The following FBXL20 variants were observed in gnomAD, a reference collection of about 807,000 sequenced individuals.
The protein encoded by FBXL20 is F-box/LRR-repeat protein 20.
FBXL20 carries 11 observed loss-of-function variants against 64.0 expected under a neutral mutation model. The ratio of observed to expected loss-of-function variants is 0.17; its 90% CI spans 0.11 to 0.28. The LOEUF is 0.28. Ranked by LOEUF, FBXL20 falls within the 10% of genes least tolerant of loss-of-function variation. FBXL20 has a pLI of 1.00. For synonymous variants in FBXL20, 184 were observed against 189.0 expected (o/e 0.97, Z 0.22); for missense variants, 303 against 526.2 (o/e 0.58, Z 4.15).
chr17:39,300,437 G>A (rs558419881), intron 4 of FBXL20, among the ~76,000 whole-genome samples: 57 of 152,272 alleles, frequency 3.7e-4, no homozygotes, highest in African/African-American at 1.2e-3. Flanking sequence ...AATAATTTAA[G>A]TGTAAGCCAT....
intron 1 of FBXL20, among the ~76,000 whole-genome samples, chr17:39,378,958 T>A (rs993138254): frequency 4.1e-5 from 6 of 146,540 alleles, no homozygotes; most frequent in Non-Finnish European, 7.5e-5. Flanking sequence ...CCAGGCACAG[T>A]GGCTCACGCC....
chr17:39,390,157 G>A (rs1386008577), intron 1 of FBXL20, among the ~76,000 whole-genome samples: 1 of 152,098 alleles, frequency 6.6e-6, no homozygotes, highest in African/African-American at 2.4e-5. Flanking sequence ...AACTGATTAG[G>A]CTGGGTGCAG....
At chr17:39,301,110 G>C (rs192634072) in intron 3 of FBXL20, 35 bp from the exon 4 acceptor site, 1 of 1,588,870 alleles carries the variant, frequency 6.3e-7, no homozygotes, top group East Asian at 2.2e-5. Context: ...ATGAGCAGAA[G>C]CTAAAATTAA....
chr17:39,289,896 A>G (rs1238450753), intron 6 of FBXL20, among the ~76,000 whole-genome samples: 1 of 149,948 alleles, frequency 6.7e-6, no homozygotes, highest in Non-Finnish European at 1.5e-5. Context: ...CTACTCAGGA[A>G]GCTGAGGCAC....
At chr17:39,305,634 G>C (rs1305614482) in intron 2 of FBXL20, among the ~76,000 whole-genome samples, 2 of 152,160 alleles carry the variant, frequency 1.3e-5, no homozygotes, top group African/African-American at 4.8e-5. Flanking sequence ...AGGATAACTT[G>C]AGGCCAAGAG....
chr17:39,298,261 G>A (rs1246331843), intron 5 of FBXL20, among the ~76,000 whole-genome samples: 4 of 152,040 alleles, frequency 2.6e-5, no homozygotes, highest in Admixed American at 2.0e-4. Context: ...TGGGTTTACA[G>A]GCATATGTCA....
rs2046816542 is a variant in FBXL20, at chr17:39,269,017, T to A, written c.889-146A>T. On this transcript the variant is annotated intron_variant, in intron 11 of 14. Coordinates refer to ENST00000264658, the MANE Select transcript of FBXL20 (RefSeq NM_032875.3). ...GAGCTAGTGTCATGCTAATTTTTTT[T>A]TCTTTCTTTTGAGACAAGGTCTCAC... 4 of 721,140 alleles carry A rather than the reference T, an allele frequency of 5.5e-6. No homozygotes were observed. In the East Asian group the frequency reaches 1.1e-4, roughly 19 times the overall value. 44.7% of individuals were successfully genotyped at this position (721,140 alleles called of 1,614,324 possible).
intron 11 of FBXL20, among the ~76,000 whole-genome samples, chr17:39,270,382 A>G (rs2046833434): frequency 1.3e-5 from 2 of 152,178 alleles, no homozygotes; most frequent in African/African-American, 4.8e-5. Flanking sequence ...TGTCTCTACT[A>G]AAAATACAAA....
chr17:39,317,520 G>A (rs1015622305), intron 2 of FBXL20, among the ~76,000 whole-genome samples: 15 of 151,756 alleles, frequency 9.9e-5, no homozygotes, highest in Admixed American at 1.3e-4. Flanking sequence ...GTGATCCACC[G>A]TGTCCGACCA....
intron 12 of FBXL20, among the ~76,000 whole-genome samples, chr17:39,267,026 G>A (rs2046797993): frequency 6.6e-6 from 1 of 152,052 alleles, no homozygotes; most frequent in Admixed American, 6.6e-5. Flanking sequence ...GCTGAGGCTG[G>A]TGGATCACCT....
At chr17:39,321,780 C>CAAAAAAAAAAA (rs540775014) in intron 2 of FBXL20, among the ~76,000 whole-genome samples, 1 of 83,526 alleles carries the variant, frequency 1.2e-5, no homozygotes, top group Admixed American at 1.3e-4. Context: ...AATTCTGTCT[C>CAAAAAAAAAAA]AAAAAAAAAA....
intron 6 of FBXL20, among the ~76,000 whole-genome samples, chr17:39,289,998 C>CAAAA (rs368530587): frequency 0.014 from 580 of 41,776 alleles, 61 homozygotes; most frequent in African/African-American, 0.035. Flanking sequence ...GACTCAGTCT[C>CAAAA]AAAAAAAAAA....
chr17:39,290,673 T>G (rs1439054451), intron 6 of FBXL20, among the ~76,000 whole-genome samples: 1 of 152,054 alleles, frequency 6.6e-6, no homozygotes, highest in Non-Finnish European at 1.5e-5. Context: ...CAAGCGATCC[T>G]CCCACCTCAG....
At chr17:39,325,050 A>T (rs2047397518) in intron 2 of FBXL20, among the ~76,000 whole-genome samples, 1 of 152,176 alleles carries the variant, frequency 6.6e-6, no homozygotes, top group Admixed American at 6.5e-5. Flanking sequence ...ACTACAAAAA[A>T]TACAAAAATT....
intron 1 of FBXL20, among the ~76,000 whole-genome samples, chr17:39,346,111 C>G (rs546733030): frequency 1.3e-5 from 2 of 152,098 alleles, no homozygotes; most frequent in Admixed American, 1.3e-4. Flanking sequence ...GGCTTGAGCT[C>G]AGGAGTTCAA....
intron 2 of FBXL20, among the ~76,000 whole-genome samples, chr17:39,331,728 T>C (rs1349900518): frequency 6.6e-6 from 1 of 152,200 alleles, no homozygotes; most frequent in African/African-American, 2.4e-5. Context: ...TTTCTATACA[T>C]CTAATGTCCC....
chr17:39,258,039 C>T lies in FBXL20; in HGVS notation c.*3421G>A, dbSNP rs574505508. On this transcript the variant is annotated 3_prime_UTR_variant, in exon 15 of 15. Transcript: ENST00000264658. ...TCCAGAGACACTACAGTAATTCCTC[C>T]TTGCCCACCTGTAGGTTTACGGCAG... 1.3e-5 allele frequency: 2 copies of T among 152,410 alleles called. No individual in the cohort carries two copies. Among genetic ancestry groups the T allele is most frequent in the Middle Eastern group, 3.4e-3 (1 of 294 alleles). The allele number at this position is 152,410 out of a possible 1,614,324, so 9.4% of individuals were successfully genotyped here. A position where few individuals can be genotyped will look rare whatever the true frequency, so the allele number is the denominator to read the frequency against.
chr17:39,365,990 TA>T (rs201312581), intron 1 of FBXL20, among the ~76,000 whole-genome samples: 2 of 152,006 alleles, frequency 1.3e-5, no homozygotes, highest in African/African-American at 2.4e-5. Flanking sequence ...CAACGGAATT[TA>T]AAAAAATTTT....
At chr17:39,338,194 G>A (rs920166011) in intron 2 of FBXL20, among the ~76,000 whole-genome samples, 2 of 152,262 alleles carry the variant, frequency 1.3e-5, no homozygotes, top group African/African-American at 4.8e-5. Context: ...TCTGTACTAA[G>A]AAAAGTTCTT....
Sources: allele counts gnomAD v4.1 joint callset (sites outside exome capture counted in the v4.1 genomes callset), GRCh38; gene constraint gnomAD v4.1.1; transcripts MANE v1.5; gene names NCBI Gene and HGNC (gene_info 2026-07-23, HGNC 2026-07-21).